The following NAV2 variants were observed in gnomAD, a reference collection of about 807,000 sequenced individuals.
NAV2 encodes the protein neuron navigator 2, also known as helicase, APC down-regulated 1.
Under a neutral mutation model 223.2 loss-of-function variants are expected in NAV2, and 54 were observed. The ratio of observed to expected loss-of-function variants is 0.24; its 90% CI spans 0.19 to 0.30. The LOEUF (loss-of-function observed/expected upper bound fraction) is 0.30, where lower values mean the gene tolerates loss of function less well. Among genes scored for constraint, NAV2 ranks in the 10% least tolerant of loss-of-function variants. NAV2 has a pLI of 1.00. For synonymous variants in NAV2, 1,279 were observed against 1,239.3 expected, an observed-to-expected ratio of 1.03 and a Z score of -0.67; for missense variants, 2,806 against 3,147.5, an observed-to-expected ratio of 0.89 and a Z score of 2.60.
At chr11:19,906,078 C>T (rs1031013000) in intron 6 of NAV2, among the ~76,000 whole-genome samples, 5 of 152,110 alleles carry the variant, frequency 3.3e-5, no homozygotes, top group Admixed American at 2.6e-4. Context: ...CAGGGGGTCT[C>T]GGCTGGGCCT....
At chr11:19,849,798 G>A (rs2061014008) in intron 3 of NAV2, among the ~76,000 whole-genome samples, 1 of 152,240 alleles carries the variant, frequency 6.6e-6, no homozygotes, top group African/African-American at 2.4e-5. Flanking sequence ...TCAGGGCCAA[G>A]ATCAGCAGGA....
chr11:20,020,714 A>G (rs2054426771), intron 11 of NAV2, among the ~76,000 whole-genome samples: 3 of 152,232 alleles, frequency 2.0e-5, no homozygotes, highest in Admixed American at 2.0e-4. Context: ...GTACATTTAC[A>G]TGAACTTTTA....
intron 1 of NAV2, among the ~76,000 whole-genome samples, chr11:19,413,183 AAG>A (rs1850219345): frequency 6.6e-6 from 1 of 152,154 alleles, no homozygotes. Context: ...ACCTTGAAAA[AAG>A]GTTAGAGGAA....
chr11:19,415,991 C>A (rs1850350459), intron 1 of NAV2, among the ~76,000 whole-genome samples: 1 of 152,152 alleles, frequency 6.6e-6, no homozygotes, highest in South Asian at 2.1e-4. Context: ...CAACATCATA[C>A]TAAATGGGCA....
chr11:19,877,794 A>T (rs2062949435), intron 4 of NAV2, among the ~76,000 whole-genome samples: 1 of 151,910 alleles, frequency 6.6e-6, no homozygotes, highest in Non-Finnish European at 1.5e-5. Flanking sequence ...TTCTGTCCCT[A>T]GCTCTTGTCA....
At chr11:19,673,620 T>C (rs567770407) in intron 1 of NAV2, among the ~76,000 whole-genome samples, 1 of 152,306 alleles carries the variant, frequency 6.6e-6, no homozygotes, top group African/African-American at 2.4e-5. Context: ...AGTGGCACAT[T>C]AGTCAGTTTT....
chr11:19,839,910 A>G (rs1275958145), intron 2 of NAV2, among the ~76,000 whole-genome samples: 1 of 152,184 alleles, frequency 6.6e-6, no homozygotes, highest in Non-Finnish European at 1.5e-5. Flanking sequence ...CTTTGGGGAT[A>G]AGTGCCTTTG....
chr11:19,912,780 A>G (rs1198408127), intron 6 of NAV2, among the ~76,000 whole-genome samples: 1 of 152,168 alleles, frequency 6.6e-6, no homozygotes, highest in Non-Finnish European at 1.5e-5. Context: ...TTGCTCAACC[A>G]GTGTGTTTGC....
At chr11:19,419,808 C>T (rs1423969488) in intron 1 of NAV2, among the ~76,000 whole-genome samples, 11 of 152,290 alleles carry the variant, frequency 7.2e-5, no homozygotes, top group African/African-American at 2.4e-4. Context: ...TGAAAGGAAA[C>T]TGAACTGGAA....
chr11:19,825,989 T>G (rs962217165), intron 1 of NAV2, among the ~76,000 whole-genome samples: 2 of 152,206 alleles, frequency 1.3e-5, no homozygotes, highest in African/African-American at 4.8e-5. Flanking sequence ...AGAGCAGTTC[T>G]GGAGCACTGA....
intron 1 of NAV2, among the ~76,000 whole-genome samples, chr11:19,646,890 A>T (rs928240435): frequency 6.6e-6 from 1 of 152,182 alleles, no homozygotes; most frequent in East Asian, 1.9e-4. Context: ...GATATGACTT[A>T]TACTACAACC....
At chr11:19,347,410 G>C (rs76167462), upstream of NAV2, among the ~76,000 whole-genome samples, 1 of 152,044 alleles carries the variant, frequency 6.6e-6, no homozygotes, top group African/African-American at 2.4e-5. Flanking sequence ...TTTAACCTCC[G>C]TCCCACCCAA....
intron 4 of NAV2, among the ~76,000 whole-genome samples, chr11:19,877,163 C>T (rs1367504118): frequency 1.3e-5 from 2 of 151,914 alleles, no homozygotes; most frequent in Non-Finnish European, 2.9e-5. Context: ...CCTTTCTGAG[C>T]TTCTGTTTCC....
chr11:19,608,419 G>A (rs1367165287), intron 1 of NAV2, among the ~76,000 whole-genome samples: 2 of 152,380 alleles, frequency 1.3e-5, no homozygotes, highest in East Asian at 1.9e-4. Flanking sequence ...GCTTATTAGT[G>A]CATGAACACA....
At position 20,101,032 on chromosome 11, in the gene NAV2, C is replaced by A. The variant is rs146354400; in HGVS notation, c.6277C>A (p.Arg2093=). ...RYVSLLIEHR[R]IILSGPSGTG... is the part of the protein sequence containing the mutation. ...CGTCTCCCTCCTGATAGAGCACCGT[C>A]GGATCATTCTCTCTGGCCCCAGCGG... The change falls in exon 32 of 38, where the codon CGG becomes AGG. Residue 2093 remains arginine (R), a synonymous_variant. Coordinates refer to ENST00000349880, the MANE Select transcript of NAV2 (RefSeq NM_145117.5). 1.3e-4 allele frequency: 203 copies of A among 1,614,142 alleles called. No homozygotes were observed. The highest frequency in any genetic ancestry group is 1.7e-6 in the Non-Finnish European group (2 of 1,180,028).
intron 6 of NAV2, among the ~76,000 whole-genome samples, chr11:19,896,537 G>A (rs1352689675): frequency 6.6e-6 from 1 of 152,074 alleles, no homozygotes; most frequent in African/African-American, 2.4e-5. Flanking sequence ...AATGTGATAG[G>A]ATATGCATAA....
Position 19,762,611 on chromosome 11 carries a change from CTTT to C in NAV2, c.267+48668_267+48670del, listed in dbSNP as rs35264238. Among the ~76,000 whole-genome samples the C allele has an allele frequency of 2.6e-3, 281 of 109,530 alleles. 1 individual carries two copies. Among genetic ancestry groups the C allele is most frequent in the African/African-American group, 0.01 (269 of 26,828 alleles). 71.9% of individuals were successfully genotyped at this position (109,530 alleles called of 152,430 possible). On this transcript the variant is annotated intron_variant, in intron 1 of 37. Coordinates refer to ENST00000349880, the MANE Select transcript of NAV2 (RefSeq NM_145117.5). ...GCTGTTACTTCAGCAGAGAAGTCTT[CTTT>C]TTTTTTTTTTTTTTTTTTGAGATGA...
chr11:19,378,328 T>C (rs1462244547), intron 1 of NAV2, among the ~76,000 whole-genome samples: 1 of 152,026 alleles, frequency 6.6e-6, no homozygotes. Context: ...GGTATTCCTT[T>C]AGTTTTCTTT....
intron 1 of NAV2, among the ~76,000 whole-genome samples, chr11:19,381,581 C>G (rs1311556406): frequency 1.3e-5 from 2 of 152,012 alleles, no homozygotes; most frequent in Non-Finnish European, 2.9e-5. Flanking sequence ...AGCTTGCTGC[C>G]CAGGGAAGAG....
Sources: gnomAD v4.1 joint callset for allele counts (sites outside exome capture counted in the v4.1 genomes callset) on GRCh38, gnomAD v4.1.1 for gene constraint, MANE v1.5 for transcripts, NCBI Gene and HGNC (gene_info 2026-07-23, HGNC 2026-07-21) for gene names.